The following WDR93 variants were observed in gnomAD, a reference collection of about 807,000 sequenced individuals.
The protein encoded by WDR93 is WD repeat domain 93.
In WDR93, 73 loss-of-function variants were observed where a neutral mutation model predicts 82.9. The observed-to-expected ratio is 0.88, with a 90% CI of 0.73 to 1.07. The LOEUF is 1.07. WDR93 is among the 50% of genes least tolerant of loss of function. The pLI is 0.00. For missense variants in WDR93, 738 were observed against 826.0 expected, an observed-to-expected ratio of 0.89 and a Z score of 1.31; for synonymous variants, 283 against 300.1, an observed-to-expected ratio of 0.94 and a Z score of 0.59.
In WDR93 at chr15:89,701,802, G is replaced by A. The variant is rs77441492; in HGVS notation, c.56G>A (p.Arg19Gln). The A allele has an allele frequency of 0.019, 30,117 of 1,614,116 alleles. 381 individuals are homozygous for A. The highest frequency in any genetic ancestry group is 0.023 in the Non-Finnish European group (27,715 of 1,180,014). Reference sequence around the variant, plus strand: ...AAAATAAAGCACCCCATTGGTACACGAAAGGGACCATTGGAGGTGCCACCC... The same window carrying A: ...AAAATAAAGCACCCCATTGGTACACAAAAGGGACCATTGGAGGTGCCACCC... ...TQKIKHPIGT[R>Q]KGPLEVPPPT... Residue 19 changes from arginine (R) to glutamine (Q), a missense_variant, in exon 2 of 17, where the codon CGA becomes CAA. Transcript: ENST00000268130.
intron 1 of WDR93, among the ~76,000 whole-genome samples, chr15:89,694,032 T>C (rs1281159808): frequency 2.0e-5 from 3 of 152,232 alleles, no homozygotes; most frequent in Admixed American, 2.0e-4. Flanking sequence ...ATGAGCATTC[T>C]TATTGTACAT....
At chr15:89,706,187 G>A (rs1965719340) in intron 4 of WDR93, among the ~76,000 whole-genome samples, 1 of 152,150 alleles carries the variant, frequency 6.6e-6, no homozygotes, top group African/African-American at 2.4e-5. Context: ...TTCTCCTGAG[G>A]GAAGAGGACC....
chr15:89,703,060 G>A lies in WDR93; in HGVS notation c.414G>A (p.Trp138Ter), dbSNP rs767916883. ...NLYSAKQIYA[W>*]EKLKVDVTSI... ...ACAGTGCTAAACAAATATATGCGTG[G>A]GAGAAGCTTAAGGTTGATGTCACTT... The change falls in exon 3 of 17, where the codon TGG becomes TGA. Residue 138 changes from tryptophan to a stop codon, truncating the protein, a stop_gained. Coordinates refer to ENST00000268130, the MANE Select transcript of WDR93 (RefSeq NM_020212.2). LOFTEE classifies it high-confidence loss of function. 6.8e-6 allele frequency: 11 copies of A among 1,614,172 alleles called. No homozygotes were observed. The highest frequency in any genetic ancestry group is 9.3e-6 in the Non-Finnish European group (11 of 1,180,032).
intron 7 of WDR93, among the ~76,000 whole-genome samples, chr15:89,720,462 G>A (rs1966478297): frequency 6.6e-6 from 1 of 151,938 alleles, no homozygotes; most frequent in Non-Finnish European, 1.5e-5. Context: ...TAGTAGAGAT[G>A]GGGTTTCACC....
chr15:89,713,761 C>T (rs1276304578), intron 5 of WDR93, among the ~76,000 whole-genome samples: 2 of 152,270 alleles, frequency 1.3e-5, no homozygotes, highest in East Asian at 3.9e-4. Flanking sequence ...GCATGAGCCA[C>T]CACGCCTGGC....
In WDR93 at chr15:89,712,007, A is replaced by G. The variant is rs776935228; in HGVS notation, c.562-19A>G. ...TCAGCAGGCTATGCCTACTCTATCA[A>G]CATCTCTTTTGTTTTCAGGATGATA... On this transcript the variant is annotated intron_variant, in intron 4 of 16. Coordinates refer to ENST00000268130, the MANE Select transcript of WDR93 (RefSeq NM_020212.2). The G allele has an allele frequency of 1.8e-5, 29 of 1,605,668 alleles. No homozygotes were observed. The Admixed American group carries it at 4.5e-4, about 25-fold the overall frequency.
chr15:89,738,206 A>G lies in WDR93; in HGVS notation c.1931A>G (p.Glu644Gly), dbSNP rs1172908488. Residue 644 changes from glutamate (E) to glycine (G), a missense_variant, in exon 16 of 17, where the codon GAG (glutamate) becomes GGG (glycine). Transcript: ENST00000268130. Reference sequence around the variant, plus strand: ...GCCTTCCCCCAAGCACTGCCACTGGAGAAGAGATGTGAGCGTTTCCTCCAG... The same window carrying G: ...GCCTTCCCCCAAGCACTGCCACTGGGGAAGAGATGTGAGCGTTTCCTCCAG... ...NMAFPQALPL[E>G]KRCERFLQKS... 6.2e-7 allele frequency: 1 copy of G among 1,612,998 alleles called. No individual in the cohort carries two copies. The highest frequency in any genetic ancestry group is 1.3e-5 in the African/African-American group (1 of 74,798).
intron 16 of WDR93, among the ~76,000 whole-genome samples, chr15:89,742,081 T>G (rs1178652686): frequency 1.3e-5 from 2 of 150,952 alleles, no homozygotes; most frequent in African/African-American, 4.9e-5. Context: ...GCATTCACCA[T>G]TTTTGTGAAA....
Position 89,705,523 on chromosome 15 carries a change from C to T in WDR93, c.497-31C>T, listed in dbSNP as rs755838062. ...GTTTCTCTTCAGCTCAATTGTCTGT[C>T]TTAACATTCTCACTTATTTTTCTGT... On this transcript the variant is annotated intron_variant, in intron 3 of 16. Transcript: ENST00000268130. 4.6e-6 allele frequency: 6 copies of T among 1,304,602 alleles called. No homozygotes were observed. The South Asian group carries it at 4.7e-5, about 10-fold the overall frequency. 80.8% of individuals were successfully genotyped at this position (1,304,602 alleles called of 1,614,324 possible). A position where few individuals can be genotyped will look rare whatever the true frequency, so the allele number is the denominator to read the frequency against.
At chr15:89,730,701 G>C (rs1249258754) in intron 11 of WDR93, among the ~76,000 whole-genome samples, 1 of 151,980 alleles carries the variant, frequency 6.6e-6, no homozygotes, top group South Asian at 2.1e-4. Context: ...TTTGAAACCA[G>C]TCTGGGCAAC....
At chr15:89,737,792 CAGAG>C in intron 15 of WDR93, 63 bp downstream of exon 15, 4 of 1,594,920 alleles carry the variant, frequency 2.5e-6, no homozygotes, top group East Asian at 2.2e-5. Context: ...CTCTCACAAA[CAGAG>C]AGAGCCCCTC....
In WDR93 at chr15:89,729,107, A is replaced by T. The variant is rs1035440779; in HGVS notation, c.1123+14A>T. On this transcript the variant is annotated intron_variant, in intron 10 of 16. Coordinates refer to ENST00000268130, the MANE Select transcript of WDR93 (RefSeq NM_020212.2). Reference sequence around the variant, plus strand: ...AGGGCCCCTCAGGTAAATGAACATGAAGTGGGTGGTTGTCCTAGCAAGGAG... The same window carrying T: ...AGGGCCCCTCAGGTAAATGAACATGTAGTGGGTGGTTGTCCTAGCAAGGAG... 1.5e-5 allele frequency: 24 copies of T among 1,613,026 alleles called. No homozygotes were observed. Among genetic ancestry groups the T allele is most frequent in the Non-Finnish European group, 2.0e-5 (23 of 1,178,992 alleles).
chr15:89,717,094 T>TTG, intron 7 of WDR93, 145 bp downstream of exon 7: 1 of 573,836 alleles, frequency 1.7e-6, no homozygotes, highest in Non-Finnish European at 2.7e-6. Context: ...CTTGTTGCTC[T>TTG]TGTTGCTCAG....
intron 4 of WDR93, among the ~76,000 whole-genome samples, chr15:89,708,269 C>G (rs1965810485): frequency 6.6e-6 from 1 of 152,138 alleles, no homozygotes; most frequent in African/African-American, 2.4e-5. Context: ...CATGATACCT[C>G]TAATAAAGCT....
intron 14 of WDR93, among the ~76,000 whole-genome samples, chr15:89,737,369 A>C (rs1273256700): frequency 6.6e-6 from 1 of 152,182 alleles, no homozygotes; most frequent in East Asian, 1.9e-4. Flanking sequence ...CAGCATGTGG[A>C]GGAGGGTCTG....
At chr15:89,714,708 T>C (rs1015363129) in intron 5 of WDR93, among the ~76,000 whole-genome samples, 2 of 152,188 alleles carry the variant, frequency 1.3e-5, no homozygotes, top group Admixed American at 6.5e-5. Context: ...TAAAAAGCTG[T>C]TGCATGAGTG....
Position 89,743,573 on chromosome 15 carries a change from G to C in WDR93, c.*182G>C, listed in dbSNP as rs1373695109. On this transcript the variant is annotated 3_prime_UTR_variant, in exon 17 of 17. Transcript: ENST00000268130. ...AATCTGGGGGACCTTCAACCACTAA[G>C]CCTCTTGTCAGAGCCCTCAGGCAGG... 1.8e-5 allele frequency: 11 copies of C among 606,892 alleles called. No individual in the cohort carries two copies. The highest frequency in any genetic ancestry group is 2.8e-5 in the East Asian group (1 of 36,024). 37.6% of individuals were successfully genotyped at this position (606,892 alleles called of 1,614,324 possible).
In WDR93 at chr15:89,701,963, G is replaced by T. The variant is rs1352791236; in HGVS notation, c.217G>T (p.Glu73Ter). ...LVNLLFDQSW[E>*]IIEERNALRE... is the part of the protein sequence containing the mutation. ...GAACCTTCTGTTTGACCAGTCTTGG[G>T]AAATTATTGAAGAGAGAAACGCACT... Residue 73 changes from glutamate (E) to a stop codon, truncating the protein, a stop_gained, in exon 2 of 17, where the codon GAA becomes TAA. Coordinates refer to ENST00000268130, the MANE Select transcript of WDR93 (RefSeq NM_020212.2). LOFTEE classifies it high-confidence loss of function. 2.5e-6 allele frequency: 4 copies of T among 1,613,980 alleles called. No homozygotes were observed. Among genetic ancestry groups the T allele is most frequent in the Non-Finnish European group, 3.4e-6 (4 of 1,180,012 alleles).
At chr15:89,728,951 C>A in intron 9 of WDR93, 72 bp from the exon 10 acceptor site, 2 of 1,380,038 alleles carry the variant, frequency 1.4e-6, no homozygotes, top group Non-Finnish European at 2.1e-6. Flanking sequence ...GGTTTTAGGA[C>A]CAAGACTCTG....
Sources: gnomAD v4.1 joint callset for allele counts (sites outside exome capture counted in the v4.1 genomes callset) on GRCh38, gnomAD v4.1.1 for gene constraint, MANE v1.5 for transcripts, NCBI Gene and HGNC (gene_info 2026-07-23, HGNC 2026-07-21) for gene names.